The following PROSER3 variants were observed in gnomAD, a reference collection of about 807,000 sequenced individuals.
PROSER3 encodes the protein proline and serine rich 3.
A neutral mutation model predicts 50.2 loss-of-function variants in PROSER3; 33 were observed. That is an observed-to-expected ratio of 0.66 (90% CI 0.50 to 0.88). PROSER3 has a LOEUF of 0.88. Among genes scored for constraint, PROSER3 ranks in the 40% least tolerant of loss-of-function variants. PROSER3 has a pLI of 0.00. For missense variants in PROSER3, 623 were observed against 612.7 expected, an observed-to-expected ratio of 1.02 and a Z score of -0.18; for synonymous variants, 266 against 259.3, an observed-to-expected ratio of 1.03 and a Z score of -0.25.
chr19:35,762,366 C>T lies in PROSER3; in HGVS notation c.543+10C>T. 1 of 1,581,702 alleles carries T rather than the reference C, an allele frequency of 6.3e-7. No individual in the cohort carries two copies. The highest frequency in any genetic ancestry group is 1.8e-5 in the Admixed American group (1 of 55,920). Reference sequence around the variant, plus strand: ...TCAGGAAATAAAGCAGGTGACATCCCCATTCACTCCCTCCCTTGGGTGCCT... The same window carrying T: ...TCAGGAAATAAAGCAGGTGACATCCTCATTCACTCCCTCCCTTGGGTGCCT... On this transcript the variant is annotated intron_variant, in intron 5 of 10. Coordinates refer to ENST00000396908, the Ensembl canonical transcript of PROSER3.
intron 10 of PROSER3, 21 bp downstream of exon 10, chr19:35,768,257 A>G: frequency 6.2e-7 from 1 of 1,607,182 alleles, no homozygotes; most frequent in South Asian, 1.1e-5. Context: ...CTCCATCCCC[A>G]GAGTCTATGA....
At chr19:35,765,259 T>C in intron 7 of PROSER3, 83 bp downstream of exon 7, 1 of 1,452,122 alleles carries the variant, frequency 6.9e-7, no homozygotes, top group Admixed American at 2.1e-5. Flanking sequence ...ACTTTGGGCC[T>C]CTCTGGGCCT....
chr19:35,764,871 C>A (rs1460389060), exon 6 of PROSER3: 3 of 1,613,658 alleles, frequency 1.9e-6, no homozygotes, highest in Admixed American at 1.7e-5. Context: ...ACACATGGAA[C>A]TCATCCCTGC....
intron 3 of PROSER3, 149 bp downstream of exon 3, chr19:35,760,140 C>T (rs970500420): frequency 7.4e-6 from 6 of 807,828 alleles, no homozygotes; most frequent in Non-Finnish European, 1.1e-5. Flanking sequence ...TGGTGCTAGA[C>T]TGCCTGAGTT....
chr19:35,758,235 G>C lies in PROSER3; in HGVS notation c.11+9G>C, dbSNP rs531996734. ...CGCGGGATGGACCGCAGGTGAGGCCGATCGCTCTTCCAGGGACTACAGGAG... is the reference window on the plus strand; with the variant it reads ...CGCGGGATGGACCGCAGGTGAGGCCCATCGCTCTTCCAGGGACTACAGGAG... On this transcript the variant is annotated intron_variant, in intron 1 of 10. Transcript: ENST00000396908. The C allele has an allele frequency of 1.2e-5, 18 of 1,562,140 alleles. No individual in the cohort carries two copies. In the African/African-American group the frequency reaches 2.4e-4, roughly 21 times the overall value.
rs978655488 is a variant in PROSER3, at chr19:35,762,476, A to G, written c.543+120A>G. 8.6e-6 allele frequency: 8 copies of G among 927,378 alleles called. No individual in the cohort carries two copies. The African/African-American group carries it at 1.0e-4, about 12-fold the overall frequency. 57.4% of individuals were successfully genotyped at this position (927,378 alleles called of 1,614,324 possible). ...GTAATCCCAGCACTTTGGGAGGCCA[A>G]GGTGAGAGGACTGCTTGAGGCCAGG... is the stretch of plus-strand genomic sequence containing the variant. On this transcript the variant is annotated intron_variant, in intron 5 of 10. Transcript: ENST00000396908.
chr19:35,770,457 C>T (rs923579925), downstream of PROSER3, among the ~76,000 whole-genome samples: 1 of 152,098 alleles, frequency 6.6e-6, no homozygotes, highest in African/African-American at 2.4e-5. Flanking sequence ...TTTTATAAAC[C>T]TGATATTCTT....
rs1185780987 is a variant in PROSER3, at chr19:35,766,762, C to G, written c.770-6C>G. 2 of 1,545,178 alleles carry G rather than the reference C, an allele frequency of 1.3e-6. No homozygotes were observed. The highest frequency in any genetic ancestry group is 2.7e-5 in the African/African-American group (2 of 72,906). On this transcript the variant is annotated splice_region_variant and splice_polypyrimidine_tract_variant and intron_variant, in intron 7 of 10. Transcript: ENST00000396908. ...CTCACCCTCTCCTCTCTACCTCCCC[C>G]TACAGCATCCCCGGCACCAGCCCAG... is the stretch of plus-strand genomic sequence containing the variant.
At chr19:35,762,515 C>A in intron 5 of PROSER3, 159 bp downstream of exon 5, 1 of 498,620 alleles carries the variant, frequency 2.0e-6, no homozygotes, top group Non-Finnish European at 3.5e-6. Flanking sequence ...TCAAGACCAG[C>A]TTGGGTGACA....
At chr19:35,763,209 C>CTT (rs968660594) in intron 5 of PROSER3, among the ~76,000 whole-genome samples, 1 of 147,866 alleles carries the variant, frequency 6.8e-6, no homozygotes, top group African/African-American at 2.5e-5. Flanking sequence ...CATGCCCCCC[C>CTT]TTTTTTTTTT....
At chr19:35,767,987 C>G in exon 9 of PROSER3, 1 of 1,596,890 alleles carries the variant, frequency 6.3e-7, no homozygotes, top group Non-Finnish European at 8.5e-7. Context: ...GGCCCTGGCC[C>G]CGCCCCCGCC....
chr19:35,768,770 G>GGCTCAGGTGGGCAGA, exon 11 of PROSER3: 1 of 447,262 alleles, frequency 2.2e-6, no homozygotes, highest in Non-Finnish European at 3.7e-6. Flanking sequence ...GGCAGAGGGA[G>GGCTCAGGTGGGCAGA]TTTCAGACAA....
chr19:35,759,971 CG>C lies in PROSER3; in HGVS notation c.295del (p.Asp99ThrfsTer8). 6.3e-7 allele frequency: 1 copy of C among 1,598,052 alleles called. No individual in the cohort carries two copies. The highest frequency in any genetic ancestry group is 1.7e-5 in the Admixed American group (1 of 57,884). On this transcript the variant is annotated frameshift_variant, in exon 3 of 11. Transcript: ENST00000396908. LOFTEE classifies it high-confidence loss of function. ...CCCCAGCACCCACCCTGATTGACAG[CG>C]GGGACTCCGTGGTGGCCAAGTAAGT...
chr19:35,758,301 G>A, intron 1 of PROSER3, 75 bp downstream of exon 1: 1 of 1,504,662 alleles, frequency 6.6e-7, no homozygotes, highest in Non-Finnish European at 8.9e-7. Context: ...AGCCTAGGAC[G>A]GGCTGGATAC....
At chr19:35,759,254 T>C in intron 1 of PROSER3, 120 bp from the exon 2 acceptor site, 1 of 783,186 alleles carries the variant, frequency 1.3e-6, no homozygotes, top group Non-Finnish European at 2.1e-6. Flanking sequence ...TTCATGGAAA[T>C]GACAGTCCGT....
chr19:35,763,670 AT>A (rs1041907809), intron 5 of PROSER3, among the ~76,000 whole-genome samples: 2 of 144,372 alleles, frequency 1.4e-5, no homozygotes, highest in East Asian at 2.1e-4. Context: ...CGCCCGGCTA[AT>A]TTTTTTTTGT....
rs756101832 is a variant in PROSER3, at chr19:35,767,913, C to CT, written c.1068dup (p.Pro357SerfsTer3). On this transcript the variant is annotated frameshift_variant, in exon 9 of 11. Transcript: ENST00000396908. LOFTEE classifies it high-confidence loss of function. ...TGCCTGCAGCCCGAGGTCCCACTCTCTCCAGCTGAGCAGGCAACCACAGTC... is the reference window on the plus strand; with the variant it reads ...TGCCTGCAGCCCGAGGTCCCACTCTCTTCCAGCTGAGCAGGCAACCACAGTC... The CT allele has an allele frequency of 6.2e-7, 1 of 1,612,806 alleles. No homozygotes were observed. The highest frequency in any genetic ancestry group is 1.1e-5 in the South Asian group (1 of 91,030).
At chr19:35,760,502 T>G (rs1767938884) in intron 3 of PROSER3, among the ~76,000 whole-genome samples, 1 of 152,204 alleles carries the variant, frequency 6.6e-6, no homozygotes, top group Non-Finnish European at 1.5e-5. Context: ...TTTTTGTTTT[T>G]TTGATGGAGT....
chr19:35,767,751 A>C, intron 8 of PROSER3: 1 of 1,562,550 alleles, frequency 6.4e-7, no homozygotes, highest in Non-Finnish European at 8.7e-7. Flanking sequence ...CAGGCCACAC[A>C]ACCCCAAACC....
Sources: allele counts gnomAD v4.1 joint callset (sites outside exome capture counted in the v4.1 genomes callset), GRCh38; gene constraint gnomAD v4.1.1; transcripts MANE v1.5; gene names NCBI Gene and HGNC (gene_info 2026-07-23, HGNC 2026-07-21).